Variants in UBR3 observed in about 807,000 individuals in gnomAD.
The protein encoded by UBR3 is E3 ubiquitin-protein ligase UBR3.
Under a neutral mutation model 243.2 loss-of-function variants are expected in UBR3, and 85 were observed. The ratio of observed to expected loss-of-function variants is 0.35; its 90% CI spans 0.29 to 0.42. The LOEUF is 0.42. Among genes scored for constraint, UBR3 ranks in the 10% least tolerant of loss-of-function variants. The pLI, the probability that UBR3 is intolerant of heterozygous loss-of-function variation, is 1.00. For missense variants in UBR3, 1,686 were observed against 2,300.8 expected (o/e 0.73, Z 5.47); for synonymous variants, 748 against 799.8 (o/e 0.94, Z 1.09).
chr2:169,926,705 G>A lies in UBR3; in HGVS notation c.2165G>A (p.Arg722Lys), dbSNP rs1489550779. ...TTTCTTTTAAAGGTTTGTGCTTCTA[G>A]ACTTGACCCAGATTATTTTATTTCA... ...DIYLLQVCASRLDPDYFISSV... is the reference protein window; with the variant it reads ...DIYLLQVCASKLDPDYFISSV... The change falls in exon 15 of 39, where the codon AGA becomes AAA. Residue 722 changes from arginine (R) to lysine (K), a missense_variant. Coordinates refer to ENST00000272793, the MANE Select transcript of UBR3 (RefSeq NM_172070.4). 1 of 1,549,606 alleles carries A rather than the reference G, an allele frequency of 6.5e-7. No homozygotes were observed. The highest frequency in any genetic ancestry group is 8.7e-7 in the Non-Finnish European group (1 of 1,146,318).
At chr2:169,893,139 A>T (rs1239101946) in intron 6 of UBR3, among the ~76,000 whole-genome samples, 2 of 152,210 alleles carry the variant, frequency 1.3e-5, no homozygotes, top group East Asian at 3.8e-4. Flanking sequence ...TGGGAGACTG[A>T]CATCACCTAT....
rs1445723690 is a variant in UBR3, at chr2:169,875,896, C to G, written c.791C>G (p.Ser264Cys). ...DLTKMGGAMRSVLTQVLTNQQ... is the reference protein window; with the variant it reads ...DLTKMGGAMRCVLTQVLTNQQ... ...ACTAAAATGGGAGGAGCAATGCGGTCTGTTCTTACTCAGGTTTTGACAAAC... is the reference window on the plus strand; with the variant it reads ...ACTAAAATGGGAGGAGCAATGCGGTGTGTTCTTACTCAGGTTTTGACAAAC... The change falls in exon 3 of 39, where the codon TCT becomes TGT. Residue 264 changes from serine (S) to cysteine (C), a missense_variant. Ser to Cys is a moderately radical substitution (Grantham distance 112, BLOSUM62 -1). Transcript: ENST00000272793. 1.3e-6 allele frequency: 2 copies of G among 1,548,734 alleles called. No homozygotes were observed. Among genetic ancestry groups the G allele is most frequent in the Non-Finnish European group, 1.7e-6 (2 of 1,145,688 alleles).
At position 169,890,553 on chromosome 2, in the gene UBR3, A is replaced by ATG. The variant is rs1279934080; in HGVS notation, c.1039-611_1039-610insGT. Among the ~76,000 whole-genome samples, 14 of 96,360 alleles carry ATG rather than the reference A, an allele frequency of 1.5e-4. 1 individual carries two copies. The highest frequency in any genetic ancestry group is 2.1e-4 in the African/African-American group (4 of 18,992). 63.2% of individuals were successfully genotyped at this position (96,360 alleles called of 152,430 possible). ...GAGAGAGAGAGAGATATATATATAT[A>ATG]TATATATATATGTGTATATATATAT... On this transcript the variant is annotated intron_variant, in intron 5 of 38. Transcript: ENST00000272793.
intron 32 of UBR3, among the ~76,000 whole-genome samples, chr2:170,044,203 A>C (rs2091031174): frequency 1.3e-5 from 2 of 152,152 alleles, no homozygotes; most frequent in African/African-American, 4.8e-5. Context: ...TATTGTAAGA[A>C]TATGTATTTG....
intron 5 of UBR3, among the ~76,000 whole-genome samples, chr2:169,890,090 G>A (rs2084267916): frequency 6.6e-6 from 1 of 152,132 alleles, no homozygotes; most frequent in African/African-American, 2.4e-5. Flanking sequence ...GGAGAGCTGG[G>A]ATAGTGGGGT....
rs2081789426 is a variant in UBR3 at position 169,827,731 on chromosome 2, CGGCGGCCGGAGGCGGGGGCGGTCCGGG to C, written c.233_259del (p.Gly78_Ala86del). ...GCGGCTGCCGGCGGCGAGGACGCGGCGGCGGCCGGAGGCGGGGGCGGTCCGGGGGCGGCCGAGGAGGAGGCCCTGGAG... is the reference window on the plus strand; with the variant it reads ...GCGGCTGCCGGCGGCGAGGACGCGGCGGCGGCCGAGGAGGAGGCCCTGGAG... On this transcript the variant is annotated inframe_deletion, in exon 1 of 39. Transcript: ENST00000272793. 2 of 1,235,532 alleles carry C rather than the reference CGGCGGCCGGAGGCGGGGGCGGTCCGGG, an allele frequency of 1.6e-6. No individual in the cohort carries two copies. The highest frequency in any genetic ancestry group is 1.0e-6 in the Non-Finnish European group (1 of 992,036). 76.5% of individuals were successfully genotyped at this position (1,235,532 alleles called of 1,614,324 possible). A position where few individuals can be genotyped will look rare whatever the true frequency, so the allele number is the denominator to read the frequency against.
Position 169,971,738 on chromosome 2 carries a change from C to A in UBR3, c.3634+13212C>A, listed in dbSNP as rs1420134098. ...GTTTTGGTTACTGTAGCCAACATAC[C>A]AGAATCTCTGGGATGCATTCGAAGC... On this transcript the variant is annotated intron_variant, in intron 24 of 38. Coordinates refer to ENST00000272793, the MANE Select transcript of UBR3 (RefSeq NM_172070.4). 3.9e-5 allele frequency among the ~76,000 whole-genome samples: 6 copies of A among 152,104 alleles called. 1 individual carries two copies. Among genetic ancestry groups the A allele is most frequent in the Non-Finnish European group, 8.8e-5 (6 of 68,010 alleles).
chr2:169,932,639 C>A (rs2086178841), intron 18 of UBR3, among the ~76,000 whole-genome samples: 1 of 152,112 alleles, frequency 6.6e-6, no homozygotes, highest in South Asian at 2.1e-4. Context: ...ACAACAACAA[C>A]AATGAAGTAA....
intron 23 of UBR3, among the ~76,000 whole-genome samples, chr2:169,955,793 C>CAAAAA (rs56238118): frequency 0.091 from 7,084 of 78,188 alleles, 689 homozygotes; most frequent in African/African-American, 0.15. Flanking sequence ...GACTCCATCT[C>CAAAAA]AAAAAAAAAA....
At chr2:169,954,735 C>T (rs928330127) in intron 23 of UBR3, among the ~76,000 whole-genome samples, 4 of 151,744 alleles carry the variant, frequency 2.6e-5, no homozygotes, top group African/African-American at 4.8e-5. Flanking sequence ...CCACCATGCC[C>T]GGCTAATTTT....
chr2:170,070,907 T>C (rs950779772), intron 35 of UBR3, among the ~76,000 whole-genome samples: 1 of 152,136 alleles, frequency 6.6e-6, no homozygotes, highest in Non-Finnish European at 1.5e-5. Flanking sequence ...GTGTCAAAAA[T>C]TCTTTTAACT....
intron 23 of UBR3, among the ~76,000 whole-genome samples, chr2:169,954,214 TCTTG>T (rs2087165384): frequency 6.6e-6 from 1 of 151,692 alleles, no homozygotes. Context: ...TCTTGTCTTG[TCTTG>T]TCTTGTCTTC....
chr2:169,959,592 T>A (rs1237330367), intron 24 of UBR3, among the ~76,000 whole-genome samples: 2 of 152,100 alleles, frequency 1.3e-5, no homozygotes, highest in Non-Finnish European at 2.9e-5. Flanking sequence ...TGGTAGGATA[T>A]GTATATATGA....
At chr2:169,860,182 G>A (rs772706434) in intron 1 of UBR3, among the ~76,000 whole-genome samples, 12 of 152,082 alleles carry the variant, frequency 7.9e-5, no homozygotes, top group Non-Finnish European at 1.5e-4. Flanking sequence ...TTTTCTGCTG[G>A]TTATGGATCG....
At chr2:169,963,371 C>T (rs1165414385) in intron 24 of UBR3, among the ~76,000 whole-genome samples, 1 of 152,106 alleles carries the variant, frequency 6.6e-6, no homozygotes, top group Non-Finnish European at 1.5e-5. Flanking sequence ...CATATCTTTT[C>T]TCTGTCATCA....
rs112745610 is a variant in UBR3 at position 169,967,940 on chromosome 2, G to T, written c.3634+9414G>T. Among the ~76,000 whole-genome samples the T allele has an allele frequency of 5.9e-5, 9 of 151,548 alleles. No individual in the cohort carries two copies. In the South Asian group the frequency reaches 1.5e-3, roughly 25 times the overall value. On this transcript the variant is annotated intron_variant, in intron 24 of 38. Coordinates refer to ENST00000272793, the MANE Select transcript of UBR3 (RefSeq NM_172070.4). ...ATTTTTCCTAGAGTCCCTTTCTTAG[G>T]TAAGTGTATACCTTTCTTAGGTAAC...
chr2:169,990,370 A>G (rs1011287402), intron 25 of UBR3, among the ~76,000 whole-genome samples: 3 of 152,118 alleles, frequency 2.0e-5, no homozygotes, highest in African/African-American at 7.2e-5. Flanking sequence ...ATAATACAAT[A>G]TTATATAGTC....
At position 169,886,420 on chromosome 2, in the gene UBR3, G is replaced by A. The variant is rs2084103625; in HGVS notation, c.1039-4745G>A. 5.9e-5 allele frequency among the ~76,000 whole-genome samples: 9 copies of A among 152,258 alleles called. No homozygotes were observed. The South Asian group carries it at 1.9e-3, about 32-fold the overall frequency. On this transcript the variant is annotated intron_variant, in intron 5 of 38. Transcript: ENST00000272793. Reference sequence around the variant, plus strand: ...TATGAGGCAACTTATTCCCTTGATAGCTCTAATTATTAAATTCTTCTCAAT... The same window carrying A: ...TATGAGGCAACTTATTCCCTTGATAACTCTAATTATTAAATTCTTCTCAAT...
intron 1 of UBR3, among the ~76,000 whole-genome samples, chr2:169,841,737 T>C (rs982157798): frequency 6.6e-6 from 1 of 152,216 alleles, no homozygotes; most frequent in Non-Finnish European, 1.5e-5. Context: ...GGCGCTGTGC[T>C]CGATTTCTCT....
Sources: allele counts gnomAD v4.1 joint callset (sites outside exome capture counted in the v4.1 genomes callset), GRCh38; gene constraint gnomAD v4.1.1; transcripts MANE v1.5; gene names NCBI Gene and HGNC (gene_info 2026-07-23, HGNC 2026-07-21).